MAN2B2: variants seen among roughly 807,000 people sequenced by gnomAD.
The protein encoded by MAN2B2 is epididymis-specific alpha-mannosidase.
MAN2B2 carries 106 observed loss-of-function variants against 117.1 expected under a neutral mutation model. The ratio of observed to expected loss-of-function variants is 0.90; its 90% CI spans 0.77 to 1.06. The LOEUF (loss-of-function observed/expected upper bound fraction) is 1.06, where lower values mean the gene tolerates loss of function less well. MAN2B2 is among the 50% of genes least tolerant of loss of function. The pLI is 0.00. For missense variants in MAN2B2, 1,326 were observed against 1,381.4 expected (o/e 0.96, Z 0.64); for synonymous variants, 544 against 595.1 (o/e 0.91, Z 1.25).
intron 17 of MAN2B2, 82 bp from the exon 18 acceptor site, chr4:6,619,845 G>A (rs972750699): frequency 5.1e-5 from 65 of 1,279,278 alleles, no homozygotes; most frequent in Non-Finnish European, 6.3e-5. Flanking sequence ...TTCGTGGTGT[G>A]TCTGCCCTGC....
At chr4:6,595,627 C>T (rs539645329) in intron 7 of MAN2B2, among the ~76,000 whole-genome samples, 1 of 152,378 alleles carries the variant, frequency 6.6e-6, no homozygotes, top group South Asian at 2.1e-4. Flanking sequence ...TGACATTAAT[C>T]TGTTCACGAG....
At chr4:6,582,193 C>G (rs1018874525) in intron 3 of MAN2B2, among the ~76,000 whole-genome samples, 1 of 152,188 alleles carries the variant, frequency 6.6e-6, no homozygotes, top group Non-Finnish European at 1.5e-5. Flanking sequence ...CCTGGCCATT[C>G]AAACCCAAGC....
In MAN2B2 at chr4:6,593,225, G is replaced by A. The variant is rs746448435; in HGVS notation, c.733G>A (p.Gly245Arg). Residue 245 changes from glycine to arginine, a missense_variant, in exon 6 of 19, where the codon GGG becomes AGG. Physicochemically the swap from Gly to Arg is moderately radical, Grantham distance 125. Coordinates refer to ENST00000285599, the MANE Select transcript of MAN2B2 (RefSeq NM_015274.3). ...TGTCTTCCCCAAGCCTCCCCAAGAT[G>A]GGGTGTACCCCAACATGAGTGAGCC... ...VAVFPKPPQD[G>R]VYPNMSEPVT... The A allele has an allele frequency of 5.6e-6, 9 of 1,613,692 alleles. No homozygotes were observed. In the South Asian group the frequency reaches 8.8e-5, roughly 16 times the overall value.
In MAN2B2 at chr4:6,609,972, G is replaced by A. The variant is rs762896085; in HGVS notation, c.2181G>A (p.Gln727=). 1 of 1,614,068 alleles carries A rather than the reference G, an allele frequency of 6.2e-7. No homozygotes were observed. Among genetic ancestry groups the A allele is most frequent in the African/African-American group, 1.3e-5 (1 of 74,934 alleles). The part of the protein sequence containing the change: ...LRTSTNLNSQ[Q]VIYSDNNGYQ... The stretch of plus-strand genomic sequence containing the variant: ...CCAGCACCAACCTAAACAGCCAGCA[G>A]GTCATCTACTCAGACAACAACGGCT... Residue 727 remains glutamine (Q), a synonymous_variant, in exon 13 of 19, where the codon CAG becomes CAA. Coordinates refer to ENST00000285599, the MANE Select transcript of MAN2B2 (RefSeq NM_015274.3).
chr4:6,575,978 C>A (rs1038958200), intron 1 of MAN2B2, among the ~76,000 whole-genome samples: 10 of 152,196 alleles, frequency 6.6e-5, no homozygotes, highest in Non-Finnish European at 1.5e-4. Flanking sequence ...CCTCCTGACT[C>A]CCTGCTCGGT....
Position 6,601,414 on chromosome 4 carries a change from C to T in MAN2B2, c.1539+658C>T, listed in dbSNP as rs1442270478. Among the ~76,000 whole-genome samples, 6 of 151,818 alleles carry T rather than the reference C, an allele frequency of 4.0e-5. No homozygotes were observed. The East Asian group carries it at 9.7e-4, about 25-fold the overall frequency. Reference sequence around the variant, plus strand: ...AATTGGGAGGCTGAGGCAGGAGAATCGCTTTAACCTGGAAGGCAGAGGTTG... The same window carrying T: ...AATTGGGAGGCTGAGGCAGGAGAATTGCTTTAACCTGGAAGGCAGAGGTTG... On this transcript the variant is annotated intron_variant, in intron 10 of 18. Transcript: ENST00000285599.
chr4:6,608,967 T>A (rs1727650301), intron 11 of MAN2B2, 140 bp from the exon 12 acceptor site: 1 of 705,552 alleles, frequency 1.4e-6, no homozygotes, highest in African/African-American at 1.8e-5. Context: ...TCTCAGGGCT[T>A]CTAGATGAGC....
chr4:6,599,065 C>A (rs1577285171), intron 9 of MAN2B2, among the ~76,000 whole-genome samples: 1 of 152,226 alleles, frequency 6.6e-6, no homozygotes, highest in South Asian at 2.1e-4. Context: ...AGGTCCCACC[C>A]ACAGCCTGCA....
intron 18 of MAN2B2, chr4:6,620,664 GAGGA>G (rs1712129203): frequency 1.9e-5 from 3 of 158,860 alleles, no homozygotes; most frequent in South Asian, 3.8e-4. Context: ...TTGGTGGTGG[GAGGA>G]AGGAAGGGAC....
intron 5 of MAN2B2, 95 bp from the exon 6 acceptor site, chr4:6,593,078 A>G: frequency 8.4e-7 from 1 of 1,185,518 alleles, no homozygotes. Context: ...ATGATGTGCC[A>G]AGGTCCCAAG....
At chr4:6,592,529 G>A (rs28550656) in intron 5 of MAN2B2, among the ~76,000 whole-genome samples, 61,939 of 152,092 alleles carry the variant, frequency 0.41, 13,760 homozygotes, top group East Asian at 0.63. Flanking sequence ...GCTTGAGCCC[G>A]GGAGTTCGAG....
intron 3 of MAN2B2, among the ~76,000 whole-genome samples, chr4:6,583,492 C>G (rs1025220190): frequency 6.6e-6 from 1 of 152,122 alleles, no homozygotes; most frequent in African/African-American, 2.4e-5. Flanking sequence ...CATGAATCAC[C>G]CTGAAGTCTC....
At chr4:6,578,364 C>A (rs1726150662) in intron 2 of MAN2B2, 29 bp from the exon 3 acceptor site, 4 of 1,581,374 alleles carry the variant, frequency 2.5e-6, no homozygotes, top group South Asian at 1.1e-5. Flanking sequence ...CCGTAACTGG[C>A]TTTTTTCTCT....
intron 5 of MAN2B2, among the ~76,000 whole-genome samples, chr4:6,591,405 C>T (rs907333367): frequency 3.3e-5 from 5 of 152,234 alleles, no homozygotes; most frequent in Admixed American, 2.6e-4. Flanking sequence ...GCCAAGGCCC[C>T]GTGGGAGTGC....
chr4:6,605,029 C>T, intron 10 of MAN2B2, 26 bp from the exon 11 acceptor site: 1 of 1,596,998 alleles, frequency 6.3e-7, no homozygotes, highest in East Asian at 2.3e-5. Context: ...TGACAGTTAA[C>T]AAGTCTCATC....
At chr4:6,601,060 C>A (rs973322331) in intron 10 of MAN2B2, among the ~76,000 whole-genome samples, 3 of 152,166 alleles carry the variant, frequency 2.0e-5, no homozygotes, top group Non-Finnish European at 2.9e-5. Flanking sequence ...AGACACCAGC[C>A]ACAAATGGGG....
rs1711933496 is a variant in MAN2B2 at position 6,617,373 on chromosome 4, C to A, written c.2702-7C>A. 6.2e-7 allele frequency: 1 copy of A among 1,612,978 alleles called. No individual in the cohort carries two copies. The highest frequency in any genetic ancestry group is 1.3e-5 in the African/African-American group (1 of 74,896). Reference sequence around the variant, plus strand: ...TCTTCACTGCCACCTTCCTTCTGTCCCCAAAGGCCATCGAGGGGAAGCCCA... The same window carrying A: ...TCTTCACTGCCACCTTCCTTCTGTCACCAAAGGCCATCGAGGGGAAGCCCA... On this transcript the variant is annotated splice_region_variant and splice_polypyrimidine_tract_variant and intron_variant, in intron 16 of 18. Coordinates refer to ENST00000285599, the MANE Select transcript of MAN2B2 (RefSeq NM_015274.3).
At chr4:6,596,761 G>C (rs1169829293) in intron 7 of MAN2B2, among the ~76,000 whole-genome samples, 1 of 152,076 alleles carries the variant, frequency 6.6e-6, no homozygotes, top group Non-Finnish European at 1.5e-5. Context: ...TTCCCCTCTG[G>C]GTCTCCCAGG....
At chr4:6,616,382 A>G (rs1035924085) in intron 16 of MAN2B2, among the ~76,000 whole-genome samples, 5 of 152,086 alleles carry the variant, frequency 3.3e-5, no homozygotes, top group African/African-American at 7.2e-5. Flanking sequence ...TGACAGCATT[A>G]TATCAGTCAG....
Sources: gnomAD v4.1 joint callset for allele counts (sites outside exome capture counted in the v4.1 genomes callset) on GRCh38, gnomAD v4.1.1 for gene constraint, MANE v1.5 for transcripts, NCBI Gene and HGNC (gene_info 2026-07-23, HGNC 2026-07-21) for gene names.